Variants in INPP4B observed in about 807,000 individuals in gnomAD.
The protein encoded by INPP4B is inositol polyphosphate 4-phosphatase type II.
A neutral mutation model predicts 122.5 loss-of-function variants in INPP4B; 55 were observed. That is an observed-to-expected ratio of 0.45 (90% CI 0.36 to 0.56). The LOEUF is 0.56. INPP4B is among the 20% of genes least tolerant of loss of function. INPP4B has a pLI of 0.00. For missense variants in INPP4B, 1,000 were observed against 1,097.7 expected, an observed-to-expected ratio of 0.91 and a Z score of 1.26; for synonymous variants, 403 against 388.7, an observed-to-expected ratio of 1.04 and a Z score of -0.43.
intron 25 of INPP4B, among the ~76,000 whole-genome samples, chr4:142,063,256 C>T (rs1337769029): frequency 6.6e-6 from 1 of 152,134 alleles, no homozygotes; most frequent in Non-Finnish European, 1.5e-5. Context: ...GAACAGAAAG[C>T]CTACCTTTGT....
rs1220266699 is a variant in INPP4B at position 142,623,710 on chromosome 4, C to G, written c.-191+102129G>C. On this transcript the variant is annotated intron_variant, in intron 2 of 25. Coordinates refer to ENST00000262992, the MANE Select transcript of INPP4B (RefSeq NM_001101669.3). ...ATTAGGTATATCTCCTAATGCTATC[C>G]CTCCCCCCTCACCCCACCCCACAAC... is the stretch of plus-strand genomic sequence containing the variant. 2.7e-5 allele frequency among the ~76,000 whole-genome samples: 4 copies of G among 147,940 alleles called. No homozygotes were observed. The Admixed American group carries it at 2.7e-4, about 10-fold the overall frequency.
At chr4:142,796,804 C>T (rs1277869937) in intron 1 of INPP4B, among the ~76,000 whole-genome samples, 3 of 151,490 alleles carry the variant, frequency 2.0e-5, no homozygotes, top group East Asian at 3.9e-4. Flanking sequence ...ATTTACAAGA[C>T]CTATCCACAT....
intron 7 of INPP4B, among the ~76,000 whole-genome samples, chr4:142,348,397 T>C (rs1277790700): frequency 1.3e-5 from 2 of 152,038 alleles, no homozygotes; most frequent in Admixed American, 1.3e-4. Flanking sequence ...TTTTCCAGAA[T>C]ATTTTACCTT....
intron 25 of INPP4B, among the ~76,000 whole-genome samples, chr4:142,039,938 C>T (rs1746285258): frequency 8.1e-6 from 1 of 123,072 alleles, no homozygotes; most frequent in Non-Finnish European, 1.6e-5. Context: ...AAAATGTGTG[C>T]CCAAGGGAAT....
rs952046957 is a variant in INPP4B, at chr4:142,062,758, C to CAAAT, written c.2642+19272_2642+19273insATTT. On this transcript the variant is annotated intron_variant, in intron 25 of 25. Coordinates refer to ENST00000262992, the MANE Select transcript of INPP4B (RefSeq NM_001101669.3). The stretch of plus-strand genomic sequence containing the variant: ...CCCCCCGCAAAAACAAACAAACAAA[C>CAAAT]AAACAAACAAACAAACAGACAAACA... 2.2e-4 allele frequency among the ~76,000 whole-genome samples: 31 copies of CAAAT among 144,098 alleles called. 1 individual carries two copies. The South Asian group carries it at 6.3e-3, about 29-fold the overall frequency. The allele number at this position is 144,098 out of a possible 152,430, so 94.5% of individuals were successfully genotyped here. A position where few individuals can be genotyped will look rare whatever the true frequency, so the allele number is the denominator to read the frequency against.
chr4:142,072,100 A>G (rs1767772484), intron 25 of INPP4B, among the ~76,000 whole-genome samples: 1 of 152,230 alleles, frequency 6.6e-6, no homozygotes, highest in Non-Finnish European at 1.5e-5. Flanking sequence ...AAGTCCATCA[A>G]TGATAGACTG....
At chr4:142,792,740 G>T (rs1198957697) in intron 1 of INPP4B, among the ~76,000 whole-genome samples, 1 of 152,028 alleles carries the variant, frequency 6.6e-6, no homozygotes, top group Non-Finnish European at 1.5e-5. Context: ...GCCACACAAA[G>T]CCAGTGGGGA....
chr4:142,518,052 T>G (rs1025170725), intron 2 of INPP4B, among the ~76,000 whole-genome samples: 3 of 152,270 alleles, frequency 2.0e-5, no homozygotes, highest in South Asian at 2.1e-4. Context: ...GCAGAATAGA[T>G]ACAATAAGTT....
At chr4:142,778,366 A>G (rs1580892883) in intron 1 of INPP4B, among the ~76,000 whole-genome samples, 1 of 152,316 alleles carries the variant, frequency 6.6e-6, no homozygotes, top group East Asian at 1.9e-4. Flanking sequence ...CACGCTGGCT[A>G]CAGGTCAAGA....
At chr4:142,068,547 A>C (rs1367761502) in intron 25 of INPP4B, among the ~76,000 whole-genome samples, 1 of 152,230 alleles carries the variant, frequency 6.6e-6, no homozygotes, top group Non-Finnish European at 1.5e-5. Context: ...AAACTGGATA[A>C]AGAGTCAAGA....
At chr4:142,655,006 G>C (rs1219092103) in intron 2 of INPP4B, among the ~76,000 whole-genome samples, 2 of 152,104 alleles carry the variant, frequency 1.3e-5, no homozygotes, top group Non-Finnish European at 2.9e-5. Flanking sequence ...ATATGCAACA[G>C]TCACCTTCAG....
chr4:142,825,241 T>C (rs1018950064), intron 1 of INPP4B, among the ~76,000 whole-genome samples: 2 of 152,160 alleles, frequency 1.3e-5, no homozygotes, highest in Non-Finnish European at 2.9e-5. Context: ...ATTACTATAA[T>C]GTAAGTATTG....
At chr4:142,061,786 T>C (rs1760753743) in intron 25 of INPP4B, among the ~76,000 whole-genome samples, 1 of 150,650 alleles carries the variant, frequency 6.6e-6, no homozygotes, top group Non-Finnish European at 1.5e-5. Context: ...AAATACAATA[T>C]ATAGCATGAT....
At chr4:142,235,245 C>T (rs1165149088) in intron 12 of INPP4B, among the ~76,000 whole-genome samples, 2 of 151,962 alleles carry the variant, frequency 1.3e-5, no homozygotes, top group Non-Finnish European at 2.9e-5. Context: ...TTTACTCTTT[C>T]GTTTCCTAGC....
At chr4:142,163,909 AAAAG>A (rs1561341248) in intron 16 of INPP4B, among the ~76,000 whole-genome samples, 1 of 151,904 alleles carries the variant, frequency 6.6e-6, no homozygotes, top group African/African-American at 2.4e-5. Flanking sequence ...ATTAAATGAA[AAAAG>A]AAAGTCTATC....
chr4:142,197,738 T>C (rs1471395445), intron 14 of INPP4B, among the ~76,000 whole-genome samples: 1 of 152,190 alleles, frequency 6.6e-6, no homozygotes. Context: ...GTTACTTTAG[T>C]AGGTACTCTA....
chr4:142,169,691 C>A (rs1824589600), intron 16 of INPP4B, among the ~76,000 whole-genome samples: 1 of 151,582 alleles, frequency 6.6e-6, no homozygotes, highest in Admixed American at 6.6e-5. Context: ...GTGAGTATAG[C>A]CTCTAACATT....
intron 2 of INPP4B, among the ~76,000 whole-genome samples, chr4:142,498,212 T>TATACAC (rs1488419417): frequency 1.2e-4 from 18 of 151,486 alleles, no homozygotes; most frequent in African/African-American, 3.9e-4. Context: ...TGTATATATA[T>TATACAC]ATATACACAT....
intron 2 of INPP4B, among the ~76,000 whole-genome samples, chr4:142,532,766 C>T (rs1257158151): frequency 2.6e-5 from 4 of 152,078 alleles, no homozygotes; most frequent in South Asian, 2.1e-4. Context: ...AAACTATGCT[C>T]AACATGTAGA....
Sources: allele counts gnomAD v4.1 joint callset (sites outside exome capture counted in the v4.1 genomes callset), GRCh38; gene constraint gnomAD v4.1.1; transcripts MANE v1.5; gene names NCBI Gene and HGNC (gene_info 2026-07-23, HGNC 2026-07-21).